Variants in LCOR observed in about 807,000 individuals in gnomAD.
LCOR encodes ligand dependent nuclear receptor corepressor.
A neutral mutation model predicts 64.4 loss-of-function variants in LCOR; 14 were observed. The ratio of observed to expected loss-of-function variants is 0.22; its 90% CI spans 0.14 to 0.34. LCOR has a LOEUF of 0.34. LCOR is among the 10% of genes least tolerant of loss of function. LCOR has a pLI of 1.00. For synonymous variants in LCOR, 643 were observed against 642.5 expected, an observed-to-expected ratio of 1.00 and a Z score of -0.01; for missense variants, 1,686 against 1,765.3, an observed-to-expected ratio of 0.96 and a Z score of 0.80.
chr10:96,847,597 A>G (rs1845653623), intron 2 of LCOR, among the ~76,000 whole-genome samples: 1 of 152,040 alleles, frequency 6.6e-6, no homozygotes, highest in Non-Finnish European at 1.5e-5. Context: ...GTGTGCCACC[A>G]CGCCTGGCTA....
chr10:96,833,131 T>A, intron 1 of LCOR: 14 of 985,454 alleles, frequency 1.4e-5, no homozygotes, highest in Non-Finnish European at 1.7e-5. Context: ...GTGTGCGTAT[T>A]TGTGTTCGGT....
intron 2 of LCOR, among the ~76,000 whole-genome samples, chr10:96,855,442 GT>G (rs1845787333): frequency 6.6e-6 from 1 of 151,682 alleles, no homozygotes; most frequent in South Asian, 2.1e-4. Context: ...TTGTTTGTTT[GT>G]TTGTTTTTGA....
Position 96,981,779 on chromosome 10 carries a change from C to T in LCOR, c.1319C>T (p.Ser440Leu). 6.2e-7 allele frequency: 1 copy of T among 1,614,140 alleles called. No individual in the cohort carries two copies. The highest frequency in any genetic ancestry group is 8.5e-7 in the Non-Finnish European group (1 of 1,180,036). Residue 440 changes from serine (S) to leucine (L), a missense_variant, in exon 8 of 8, where the codon TCA becomes TTA. Around this residue, in one of 3 missense-constraint regions of LCOR, gnomAD observed 1,293 missense variants for 1,410.4 expected, o/e 0.92. Coordinates refer to ENST00000421806, the MANE Select transcript of LCOR (RefSeq NM_001346516.2). ...PAVHKAANGH[S>L]RTKMISTSIK... ...GTACACAAAGCGGCAAATGGACACT[C>T]AAGAACCAAGATGATATCAACCTCC...
chr10:96,981,040 T>C lies in LCOR; in HGVS notation c.580T>C (p.Cys194Arg), dbSNP rs1004468046. The C allele has an allele frequency of 2.8e-6, 2 of 703,052 alleles. No individual in the cohort carries two copies. The highest frequency in any genetic ancestry group is 5.2e-6 in the Non-Finnish European group (2 of 385,012). The allele number at this position is 703,052 out of a possible 1,614,324, so 43.6% of individuals were successfully genotyped here. ...CAAACATAAGGAAAAAGATGCTCTG[T>C]GTCTCGATATGAAGTCTTCTGCTTC... ...STKHKEKDAL[C>R]LDMKSSASVD... Residue 194 changes from cysteine (C) to arginine (R), a missense_variant, in exon 8 of 8, where the codon TGT becomes CGT. Transcript: ENST00000421806.
chr10:96,935,660 C>T (rs540537555), intron 4 of LCOR, among the ~76,000 whole-genome samples: 2 of 152,104 alleles, frequency 1.3e-5, no homozygotes, highest in African/African-American at 2.4e-5. Context: ...GAGTGAGACT[C>T]CTTCTCTACA....
chr10:96,984,788 G>A lies in LCOR; in HGVS notation c.4328G>A (p.Ser1443Asn). Reference protein sequence around the residue: ...AAKRPAARDRSSQPPKKTSLK... With the variant: ...AAKRPAARDRNSQPPKKTSLK... ...AAGAGGCCAGCTGCAAGGGACAGAAGCAGCCAACCCCCCAAAAAGACGTCT... is the reference window on the plus strand; with the variant it reads ...AAGAGGCCAGCTGCAAGGGACAGAAACAGCCAACCCCCCAAAAAGACGTCT... Residue 1443 changes from serine to asparagine, a missense_variant, in exon 8 of 8, where the codon AGC (serine) becomes AAC (asparagine). Around this residue, in one of 3 missense-constraint regions of LCOR, gnomAD observed 1,293 missense variants for 1,410.4 expected, o/e 0.92. Coordinates refer to ENST00000421806, the MANE Select transcript of LCOR (RefSeq NM_001346516.2). 6.2e-7 allele frequency: 1 copy of A among 1,614,094 alleles called. No individual in the cohort carries two copies. The highest frequency in any genetic ancestry group is 1.3e-5 in the African/African-American group (1 of 75,040).
At chr10:96,945,850 T>C (rs7475882) in intron 5 of LCOR, among the ~76,000 whole-genome samples, 2 of 152,174 alleles carry the variant, frequency 1.3e-5, no homozygotes, top group African/African-American at 4.8e-5. Flanking sequence ...TACAGAAAAA[T>C]TCTGTCGTAC....
chr10:96,904,666 A>G (rs148839799), intron 2 of LCOR, among the ~76,000 whole-genome samples: 61 of 152,294 alleles, frequency 4.0e-4, no homozygotes, highest in Non-Finnish European at 6.5e-4. Flanking sequence ...TTTAAGCCTT[A>G]GTGATTGAAC....
chr10:96,837,988 ACT>A (rs1168542697), intron 2 of LCOR, among the ~76,000 whole-genome samples: 1 of 152,144 alleles, frequency 6.6e-6, no homozygotes, highest in East Asian at 1.9e-4. Flanking sequence ...CAAATGAAAA[ACT>A]CAACATCACT....
In LCOR at chr10:96,949,280, G is replaced by A; in HGVS notation, c.223G>A (p.Glu75Lys). ...CCTTACTGTCAGAAAGTCTCAGTCAGAACCTAGCGAACAAGGTATGGTTTG... is the reference window on the plus strand; with the variant it reads ...CCTTACTGTCAGAAAGTCTCAGTCAAAACCTAGCGAACAAGGTATGGTTTG... Reference protein sequence around the residue: ...LDLTVRKSQSEPSEQDGVLDL... With the variant: ...LDLTVRKSQSKPSEQDGVLDL... Residue 75 changes from glutamate (E) to lysine (K), a missense_variant, in exon 6 of 8, where the codon GAA becomes AAA. Physicochemically the swap from Glu to Lys is moderately conservative, Grantham distance 56. This residue lies in a region of LCOR where 80 missense variants were observed against 107.7 expected (regional missense o/e 0.74). Coordinates refer to ENST00000421806, the MANE Select transcript of LCOR (RefSeq NM_001346516.2). 1 of 1,613,880 alleles carries A rather than the reference G, an allele frequency of 6.2e-7. No homozygotes were observed. Among genetic ancestry groups the A allele is most frequent in the South Asian group, 1.1e-5 (1 of 91,056 alleles).
chr10:96,860,521 G>A (rs1479503373), intron 2 of LCOR, among the ~76,000 whole-genome samples: 2 of 152,182 alleles, frequency 1.3e-5, no homozygotes, highest in Non-Finnish European at 2.9e-5. Context: ...CCAATACCTT[G>A]GTTTCTGACT....
chr10:96,946,872 A>T (rs1847598316), intron 5 of LCOR, among the ~76,000 whole-genome samples: 1 of 152,122 alleles, frequency 6.6e-6, no homozygotes, highest in African/African-American at 2.4e-5. Flanking sequence ...ACACAGAGGC[A>T]TCGCATAAAT....
At chr10:96,886,643 G>C (rs1220226447) in intron 2 of LCOR, among the ~76,000 whole-genome samples, 1 of 151,338 alleles carries the variant, frequency 6.6e-6, no homozygotes, top group Non-Finnish European at 1.5e-5. Context: ...TCTAATTTGG[G>C]TTGTTTTTTC....
At chr10:96,969,219 GA>G (rs1285666842) in intron 7 of LCOR, among the ~76,000 whole-genome samples, 1 of 152,164 alleles carries the variant, frequency 6.6e-6, no homozygotes, top group Admixed American at 6.5e-5. Flanking sequence ...AAACTGTATT[GA>G]TTAGAACACT....
intron 2 of LCOR, among the ~76,000 whole-genome samples, chr10:96,834,357 A>G (rs1564595833): frequency 6.6e-6 from 1 of 152,186 alleles, no homozygotes; most frequent in Non-Finnish European, 1.5e-5. Flanking sequence ...CCCTCCTGCC[A>G]ATCCAAGACC....
intron 4 of LCOR, among the ~76,000 whole-genome samples, chr10:96,933,537 T>C (rs555465442): frequency 6.6e-6 from 1 of 152,336 alleles, no homozygotes; most frequent in Admixed American, 6.5e-5. Flanking sequence ...AAGACTCTTT[T>C]TGAGATGGAG....
chr10:96,915,390 G>A (rs138071207), intron 4 of LCOR, among the ~76,000 whole-genome samples: 7,448 of 152,162 alleles, frequency 0.049, 606 homozygotes, highest in African/African-American at 0.17. Flanking sequence ...GCGTGGTGAC[G>A]TGCGCCTGTA....
chr10:96,920,730 A>ATATATATGTG (rs145290671), intron 4 of LCOR, among the ~76,000 whole-genome samples: 20,086 of 110,638 alleles, frequency 0.18, 3,141 homozygotes, highest in African/African-American at 0.44. Context: ...ATATATGTTC[A>ATATATATGTG]TATATATGTG....
At chr10:96,930,557 C>A (rs571554514) in intron 4 of LCOR, among the ~76,000 whole-genome samples, 2 of 152,162 alleles carry the variant, frequency 1.3e-5, no homozygotes, top group Non-Finnish European at 2.9e-5. Flanking sequence ...TGTTTTTATA[C>A]TGTCATTTCC....
Sources: allele counts gnomAD v4.1 joint callset (sites outside exome capture counted in the v4.1 genomes callset), GRCh38; gene constraint gnomAD v4.1.1; regional missense constraint gnomAD v4.1.1; transcripts MANE v1.5; gene names NCBI Gene and HGNC (gene_info 2026-07-23, HGNC 2026-07-21).